Variants in POU2AF1 observed in about 807,000 individuals in gnomAD.
POU2AF1 encodes POU domain class 2-associating factor 1.
Under a neutral mutation model 26.3 loss-of-function variants are expected in POU2AF1, and 12 were observed. The ratio of observed to expected loss-of-function variants is 0.46; its 90% confidence interval spans 0.29 to 0.74. The LOEUF (loss-of-function observed/expected upper bound fraction) is 0.74, where lower values mean the gene tolerates loss of function less well. POU2AF1 is among the 30% of genes least tolerant of loss of function. The pLI is 0.09. For synonymous variants in POU2AF1, 175 were observed against 148.0 expected, an observed-to-expected ratio of 1.18 and a Z score of -1.32; for missense variants, 297 against 334.5, an observed-to-expected ratio of 0.89 and a Z score of 0.87.
At chr11:111,375,492 G>C (rs1170806301) in intron 1 of POU2AF1, among the ~76,000 whole-genome samples, 1 of 135,964 alleles carries the variant, frequency 7.4e-6, no homozygotes, top group Non-Finnish European at 1.5e-5. Flanking sequence ...CGCCTCCCGG[G>C]TTCATGCCAT....
intron 1 of POU2AF1, among the ~76,000 whole-genome samples, chr11:111,378,345 AGAACTAGCCC>A (rs1383957076): frequency 1.4e-4 from 21 of 152,356 alleles, no homozygotes; most frequent in African/African-American, 4.3e-4. Flanking sequence ...GAGGAAGTAT[AGAACTAGCCC>A]CAATAAGGTT....
intron 1 of POU2AF1, among the ~76,000 whole-genome samples, chr11:111,367,698 G>A (rs1435238170): frequency 1.3e-5 from 2 of 152,298 alleles, no homozygotes; most frequent in East Asian, 1.9e-4. Context: ...CCCTGATCCA[G>A]TCTCCCTCAA....
At chr11:111,379,042 A>G in intron 1 of POU2AF1, 120 bp downstream of exon 1, 1 of 915,596 alleles carries the variant, frequency 1.1e-6, no homozygotes, top group Non-Finnish European at 1.6e-6. Flanking sequence ...TGGAACCCAG[A>G]CCCCCTCCCC....
rs1424245766 is a variant in POU2AF1, at chr11:111,379,118, G to T, written c.16+44C>A. ...GACCAAGCTGTGATCGCCCTGCCCC[G>T]CTGGCACTCGCTTGGGTCTGACAGC... is the stretch of plus-strand genomic sequence containing the variant. On this transcript the variant is annotated intron_variant, in intron 1 of 4. Coordinates refer to ENST00000393067, the MANE Select transcript of POU2AF1 (RefSeq NM_006235.3). 7.5e-6 allele frequency: 12 copies of T among 1,598,238 alleles called. No individual in the cohort carries two copies. The East Asian group carries it at 2.8e-4, about 37-fold the overall frequency.
At chr11:111,365,485 G>A (rs1161700442) in intron 1 of POU2AF1, among the ~76,000 whole-genome samples, 2 of 152,024 alleles carry the variant, frequency 1.3e-5, no homozygotes, top group Admixed American at 6.5e-5. Context: ...ATCACTCTAA[G>A]TAATCAATGG....
intron 1 of POU2AF1, among the ~76,000 whole-genome samples, chr11:111,372,920 T>C (rs1029978153): frequency 6.6e-6 from 1 of 152,114 alleles, no homozygotes; most frequent in South Asian, 2.1e-4. Context: ...TCCGAAGATG[T>C]GATGCTCACA....
Position 111,357,557 on chromosome 11 carries a change from C to T in POU2AF1, c.344G>A (p.Ser115Asn), listed in dbSNP as rs141954225. Residue 115 changes from serine to asparagine, a missense_variant, in exon 4 of 5, where the codon AGC (serine) becomes AAC (asparagine). Physicochemically the swap from Ser to Asn is conservative, Grantham distance 46 (BLOSUM62 1). Coordinates refer to ENST00000393067, the MANE Select transcript of POU2AF1 (RefSeq NM_006235.3). ...YTEYVPHEAV[S>N]CPYSADMYVQ... ...ATACATGTCAGCTGAGTAGGGGCAG[C>T]TGACAGCTTCATGGGGCACATACTC... 3.7e-6 allele frequency: 6 copies of T among 1,614,116 alleles called. No individual in the cohort carries two copies. The highest frequency in any genetic ancestry group is 5.1e-6 in the Non-Finnish European group (6 of 1,179,996).
chr11:111,372,051 C>CAGAGAGAGAGAGAG (rs1374875953), intron 1 of POU2AF1, among the ~76,000 whole-genome samples: 28 of 101,662 alleles, frequency 2.8e-4, no homozygotes, highest in African/African-American at 9.1e-4. Flanking sequence ...CACACACACA[C>CAGAGAGAGAGAGAG]ACACACACAC....
In POU2AF1 at chr11:111,359,580, C is replaced by T. The variant is rs180979073; in HGVS notation, c.17-662G>A. Among the ~76,000 whole-genome samples the T allele has an allele frequency of 3.4e-3, 514 of 152,326 alleles. 4 individuals are homozygous for T. Among genetic ancestry groups the T allele is most frequent in the African/African-American group, 0.012 (494 of 41,562 alleles). ...AAACCTCTCTGTGCCTCTTAATCTT[C>T]AGTTTCTTTATCAAAGGAATATTGA... On this transcript the variant is annotated intron_variant, in intron 1 of 4. Coordinates refer to ENST00000393067, the MANE Select transcript of POU2AF1 (RefSeq NM_006235.3).
Position 111,353,453 on chromosome 11 carries a change from G to C in POU2AF1, c.*808C>G, listed in dbSNP as rs1591186550. 8.6e-6 allele frequency: 2 copies of C among 233,324 alleles called. No homozygotes were observed. The highest frequency in any genetic ancestry group is 1.2e-4 in the East Asian group (2 of 16,580). 14.5% of individuals were successfully genotyped at this position (233,324 alleles called of 1,614,324 possible). On this transcript the variant is annotated 3_prime_UTR_variant, in exon 5 of 5. Coordinates refer to ENST00000393067, the MANE Select transcript of POU2AF1 (RefSeq NM_006235.3). The stretch of plus-strand genomic sequence containing the variant: ...TCACTGGCCTGTCCCCACCCACCCT[G>C]ATGTTCTTTTCTCCCTGCCACCCAC...
chr11:111,359,345 A>G (rs1211688454), intron 1 of POU2AF1: 3 of 227,592 alleles, frequency 1.3e-5, no homozygotes, highest in African/African-American at 7.0e-5. Context: ...ATTCTTGCTG[A>G]CACAAGACAA....
At chr11:111,360,667 A>G (rs1860989010) in intron 1 of POU2AF1, among the ~76,000 whole-genome samples, 1 of 152,142 alleles carries the variant, frequency 6.6e-6, no homozygotes, top group Non-Finnish European at 1.5e-5. Context: ...GGGGGCTGAT[A>G]TAGGCCTAGG....
rs2135102339 is a variant in POU2AF1, at chr11:111,353,970, GT to G, written c.*290del. The G allele has an allele frequency of 4.2e-5, 16 of 377,002 alleles. No homozygotes were observed. The highest frequency in any genetic ancestry group is 5.2e-5 in the Non-Finnish European group (11 of 212,042). 23.4% of individuals were successfully genotyped at this position (377,002 alleles called of 1,614,324 possible). A position where few individuals can be genotyped will look rare whatever the true frequency, so the allele number is the denominator to read the frequency against. ...GGGAGGGAGGAAAAGGAAGGAAGGG[GT>G]TGGAAAGGGAGAAGGGAAGGAGGGA... is the stretch of plus-strand genomic sequence containing the variant. On this transcript the variant is annotated 3_prime_UTR_variant, in exon 5 of 5. Coordinates refer to ENST00000393067, the MANE Select transcript of POU2AF1 (RefSeq NM_006235.3).
intron 1 of POU2AF1, among the ~76,000 whole-genome samples, chr11:111,373,108 CACTGTCTT>C (rs753446651): frequency 2.0e-5 from 3 of 152,160 alleles, no homozygotes; most frequent in Non-Finnish European, 4.4e-5. Context: ...GAAAGGACAC[CACTGTCTT>C]ACTTAAATCT....
At chr11:111,372,913 G>A (rs574530610) in intron 1 of POU2AF1, among the ~76,000 whole-genome samples, 10 of 152,276 alleles carry the variant, frequency 6.6e-5, no homozygotes, top group Non-Finnish European at 1.0e-4. Flanking sequence ...TTGCTTGTCC[G>A]AAGATGTGAT....
chr11:111,360,039 G>A (rs1434406579), intron 1 of POU2AF1: 1 of 518,774 alleles, frequency 1.9e-6, no homozygotes, highest in Non-Finnish European at 3.8e-6. Flanking sequence ...TTCCCCTCTT[G>A]CCATCAAAGC....
intron 1 of POU2AF1, among the ~76,000 whole-genome samples, chr11:111,369,880 G>A (rs1861175007): frequency 6.6e-6 from 1 of 152,204 alleles, no homozygotes; most frequent in African/African-American, 2.4e-5. Context: ...GGAATAACCT[G>A]TGGTTAGGCA....
At chr11:111,365,346 C>T (rs1243370090) in intron 1 of POU2AF1, among the ~76,000 whole-genome samples, 2 of 152,168 alleles carry the variant, frequency 1.3e-5, no homozygotes, top group African/African-American at 4.8e-5. Context: ...AAAGAAGTCA[C>T]TTGGTCAATT....
At chr11:111,377,285 C>T (rs998303814) in intron 1 of POU2AF1, among the ~76,000 whole-genome samples, 7 of 151,170 alleles carry the variant, frequency 4.6e-5, no homozygotes, top group Non-Finnish European at 7.4e-5. Flanking sequence ...GAGGGTGAGG[C>T]GAGAGAATCA....
Sources: allele counts gnomAD v4.1 joint callset (sites outside exome capture counted in the v4.1 genomes callset), GRCh38; gene constraint gnomAD v4.1.1; transcripts MANE v1.5; gene names NCBI Gene and HGNC (gene_info 2026-07-23, HGNC 2026-07-21).